Variants in WDFY3 observed in about 807,000 individuals in gnomAD.
WDFY3 encodes the protein WD repeat and FYVE domain containing 3.
In WDFY3, 66 loss-of-function variants were observed where a neutral mutation model predicts 409.6. The ratio of observed to expected loss-of-function variants is 0.16; its 90% CI spans 0.13 to 0.20. The LOEUF is 0.20. Ranked by LOEUF, WDFY3 falls within the 10% of genes least tolerant of loss-of-function variation. The pLI, the probability that WDFY3 is intolerant of heterozygous loss-of-function variation, is 1.00. For missense variants in WDFY3, 3,031 were observed against 4,298.1 expected, an observed-to-expected ratio of 0.71 and a Z score of 8.24; for synonymous variants, 1,521 against 1,537.1, an observed-to-expected ratio of 0.99 and a Z score of 0.25.
At chr4:84,952,628 A>G (rs1773750822) in intron 1 of WDFY3, among the ~76,000 whole-genome samples, 1 of 152,130 alleles carries the variant, frequency 6.6e-6, no homozygotes, top group African/African-American at 2.4e-5. Context: ...GCTACCACTC[A>G]GCAATGCTGA....
At chr4:84,801,206 G>C (rs1750496584) in intron 17 of WDFY3, among the ~76,000 whole-genome samples, 1 of 152,126 alleles carries the variant, frequency 6.6e-6, no homozygotes, top group South Asian at 2.1e-4. Context: ...TCTTGGTTTG[G>C]ATACTGTAGT....
chr4:84,785,875 T>C, intron 24 of WDFY3, 104 bp downstream of exon 24: 2 of 1,396,602 alleles, frequency 1.4e-6, no homozygotes, highest in African/African-American at 2.9e-5. Context: ...ATGAAAGGCA[T>C]GATTTTTAGC....
At position 84,670,903 on chromosome 4, in the gene WDFY3, G is replaced by A. The variant is rs1378618438; in HGVS notation, c.*1965C>T. The A allele has an allele frequency of 1.3e-5, 2 of 152,518 alleles. No homozygotes were observed. The highest frequency in any genetic ancestry group is 4.8e-5 in the African/African-American group (2 of 41,446). The allele number at this position is 152,518 out of a possible 1,614,324, so 9.4% of individuals were successfully genotyped here. A position where few individuals can be genotyped will look rare whatever the true frequency, so the allele number is the denominator to read the frequency against. On this transcript the variant is annotated 3_prime_UTR_variant, in exon 68 of 68. Coordinates refer to ENST00000295888, the MANE Select transcript of WDFY3 (RefSeq NM_014991.6). ...GAGAGTGTGGGGGGAGTAAGACACA[G>A]AAAGGAAAACAGAACACAACTTTTC...
intron 3 of WDFY3, among the ~76,000 whole-genome samples, chr4:84,888,861 G>A (rs999242429): frequency 3.3e-5 from 5 of 151,146 alleles, no homozygotes; most frequent in African/African-American, 1.2e-4. Context: ...CTAGCTGGTT[G>A]TTATAAAGCT....
intron 32 of WDFY3, among the ~76,000 whole-genome samples, chr4:84,762,854 G>C (rs1398390315): frequency 6.6e-6 from 1 of 152,030 alleles, no homozygotes; most frequent in Non-Finnish European, 1.5e-5. Context: ...GAAATCAAAA[G>C]GCATCTCAGC....
In WDFY3 at chr4:84,682,756, C is replaced by T. The variant is rs186536498; in HGVS notation, c.9727-286G>A. The T allele has an allele frequency of 1.9e-4, 60 of 316,330 alleles. No homozygotes were observed. The East Asian group carries it at 3.3e-3, about 17-fold the overall frequency. The allele number at this position is 316,330 out of a possible 1,614,324, so 19.6% of individuals were successfully genotyped here. A position where few individuals can be genotyped will look rare whatever the true frequency, so the allele number is the denominator to read the frequency against. On this transcript the variant is annotated intron_variant, in intron 63 of 67. Coordinates refer to ENST00000295888, the MANE Select transcript of WDFY3 (RefSeq NM_014991.6). ...CAGCACTTTGGGAAGCCAAGATGGG[C>T]GGATCATTTGAGGTCAGGAGTTTGA...
At chr4:84,843,324 T>C (rs1212918058) in intron 5 of WDFY3, among the ~76,000 whole-genome samples, 1 of 152,226 alleles carries the variant, frequency 6.6e-6, no homozygotes, top group Non-Finnish European at 1.5e-5. Flanking sequence ...ACTGTATCAC[T>C]GTAAAAAAAT....
chr4:84,701,240 T>A lies in WDFY3; in HGVS notation c.8596+1113A>T, dbSNP rs1235212561. On this transcript the variant is annotated intron_variant, in intron 56 of 67. Transcript: ENST00000295888. ...TCTAATTCTAAGTCCTAAAGTTGTGTCTTTAGCTGCTCAAGGGTGAGCTCT... is the reference window on the plus strand; with the variant it reads ...TCTAATTCTAAGTCCTAAAGTTGTGACTTTAGCTGCTCAAGGGTGAGCTCT... Among the ~76,000 whole-genome samples, 3 of 152,246 alleles carry A rather than the reference T, an allele frequency of 2.0e-5. No individual in the cohort carries two copies. In the East Asian group the frequency reaches 5.8e-4, roughly 29 times the overall value.
At chr4:84,885,049 G>A (rs946909215) in intron 3 of WDFY3, among the ~76,000 whole-genome samples, 4 of 152,110 alleles carry the variant, frequency 2.6e-5, no homozygotes, top group South Asian at 2.1e-4. Context: ...CACCCAGGCT[G>A]GAATGCAATT....
intron 2 of WDFY3, among the ~76,000 whole-genome samples, chr4:84,914,389 G>A (rs542202708): frequency 9.2e-5 from 14 of 152,014 alleles, no homozygotes; most frequent in South Asian, 6.2e-4. Context: ...ACTTCAGCCC[G>A]GGCAACAGTG....
chr4:84,807,192 T>C (rs938733592), intron 15 of WDFY3, among the ~76,000 whole-genome samples: 7 of 152,192 alleles, frequency 4.6e-5, no homozygotes, highest in Non-Finnish European at 8.8e-5. Flanking sequence ...AAATACACGA[T>C]ATCAACTCAA....
Position 84,724,542 on chromosome 4 carries a change from A to G in WDFY3, c.7325T>C (p.Met2442Thr), listed in dbSNP as rs763574630. The change falls in exon 46 of 68, where the codon ATG (methionine) becomes ACG (threonine). Residue 2442 changes from methionine to threonine, a missense_variant. Around this residue, in one of 16 missense-constraint regions of WDFY3, gnomAD observed 127 missense variants for 144.4 expected, o/e 0.88. Transcript: ENST00000295888. ...AVSYDSKEYY[M>T]RLASGNPAIV... ...GGCGGGATTGCCAGAGGCCAGTCGCATGTAGTACTCTTTACTGTCATAACT... is the reference window on the plus strand; with the variant it reads ...GGCGGGATTGCCAGAGGCCAGTCGCGTGTAGTACTCTTTACTGTCATAACT... The G allele has an allele frequency of 4.6e-5, 74 of 1,613,990 alleles. No homozygotes were observed. The highest frequency in any genetic ancestry group is 5.5e-5 in the Non-Finnish European group (65 of 1,179,984).
chr4:84,878,167 T>A lies in WDFY3; in HGVS notation c.-31-17545A>T, dbSNP rs531397684. On this transcript the variant is annotated intron_variant, in intron 3 of 67. Coordinates refer to ENST00000295888, the MANE Select transcript of WDFY3 (RefSeq NM_014991.6). ...GAAGGCAGGGGCAGAAGGAAAAAAA[T>A]TACTAACAGAGAGTTAGGTTTGGGT... is the stretch of plus-strand genomic sequence containing the variant. 2.0e-5 allele frequency among the ~76,000 whole-genome samples: 3 copies of A among 152,138 alleles called. No homozygotes were observed. In the South Asian group the frequency reaches 6.2e-4, roughly 32 times the overall value.
At chr4:84,829,292 T>C (rs2149900631) in intron 8 of WDFY3, 102 bp from the exon 9 acceptor site, 2 of 975,690 alleles carry the variant, frequency 2.0e-6, no homozygotes, top group South Asian at 3.9e-5. Context: ...AATTTTAACA[T>C]ATCTGTAAAA....
intron 47 of WDFY3, among the ~76,000 whole-genome samples, chr4:84,720,181 T>C (rs1734613672): frequency 1.3e-5 from 2 of 152,122 alleles, no homozygotes. Flanking sequence ...GCTCGACATC[T>C]AGGACGAGAA....
chr4:84,800,798 C>T (rs1402057708), intron 17 of WDFY3, among the ~76,000 whole-genome samples: 1 of 152,154 alleles, frequency 6.6e-6, no homozygotes, highest in Non-Finnish European at 1.5e-5. Context: ...AGATCCCTTG[C>T]ATGCACAGTT....
chr4:84,910,862 T>C (rs942653861), intron 2 of WDFY3, among the ~76,000 whole-genome samples: 1 of 151,658 alleles, frequency 6.6e-6, no homozygotes, highest in Non-Finnish European at 1.5e-5. Context: ...TGTGCCACCA[T>C]GTCTGGCTAA....
intron 41 of WDFY3, 113 bp downstream of exon 41, chr4:84,737,071 A>T: frequency 8.9e-7 from 1 of 1,121,714 alleles, no homozygotes; most frequent in Non-Finnish European, 1.3e-6. Context: ...TATTGATTTT[A>T]AGGATGACTT....
chr4:84,832,064 C>T (rs995620300), intron 7 of WDFY3, among the ~76,000 whole-genome samples: 1 of 151,966 alleles, frequency 6.6e-6, no homozygotes, highest in Non-Finnish European at 1.5e-5. Flanking sequence ...GCACTATTCC[C>T]AATAGCCAAA....
Sources: allele counts gnomAD v4.1 joint callset (sites outside exome capture counted in the v4.1 genomes callset), GRCh38; gene constraint gnomAD v4.1.1; regional missense constraint gnomAD v4.1.1; transcripts MANE v1.5; gene names NCBI Gene and HGNC (gene_info 2026-07-23, HGNC 2026-07-21).